L3MBTL3: variants seen among roughly 807,000 people sequenced by gnomAD.
The protein encoded by L3MBTL3 is L3MBTL histone methyl-lysine binding protein 3, also known as lethal(3)malignant brain tumor-like protein 3.
L3MBTL3 carries 27 observed loss-of-function variants against 102.3 expected under a neutral mutation model. The observed-to-expected ratio is 0.26, with a 90% confidence interval of 0.19 to 0.36. The LOEUF is 0.36. Among genes scored for constraint, L3MBTL3 ranks in the 10% least tolerant of loss-of-function variants. The probability of loss-of-function intolerance (pLI) is 1.00; values close to 1 mark genes in which losing one functional copy is unlikely to be tolerated. For synonymous variants in L3MBTL3, 340 were observed against 320.9 expected (o/e 1.06, Z -0.64); for missense variants, 798 against 955.3 (o/e 0.84, Z 2.17).
At chr6:130,063,237 G>T (rs1470406838) in intron 10 of L3MBTL3, among the ~76,000 whole-genome samples, 1 of 152,142 alleles carries the variant, frequency 6.6e-6, no homozygotes, top group African/African-American at 2.4e-5. Context: ...AGGCTTGTCT[G>T]TTTGGAGGCA....
chr6:130,048,927 TAA>T (rs955757122), intron 3 of L3MBTL3, among the ~76,000 whole-genome samples: 1 of 114,768 alleles, frequency 8.7e-6, no homozygotes, highest in East Asian at 2.8e-4. Flanking sequence ...TAAGAAAAAA[TAA>T]GTCTTAGTTA....
In L3MBTL3 at chr6:130,104,463, A is replaced by G. The variant is rs1033776810; in HGVS notation, c.1774A>G (p.Lys592Glu). The change falls in exon 19 of 23, where the codon AAA becomes GAA. Residue 592 changes from lysine (K) to glutamate (E), a missense_variant. By Grantham distance (56) the Lys-to-Glu change is moderately conservative. Coordinates refer to ENST00000361794, the MANE Select transcript of L3MBTL3 (RefSeq NM_032438.4). ...TCCCTATTCAGAAATCAATTTGAAT[A>G]AAGACCGTATTTTTCCAGACCGCTT... ...NCPYSEINLN[K>E]DRIFPDRLSG... The G allele has an allele frequency of 2.5e-6, 4 of 1,595,596 alleles. No homozygotes were observed. Among genetic ancestry groups the G allele is most frequent in the African/African-American group, 2.7e-5 (2 of 74,080 alleles).
intron 13 of L3MBTL3, among the ~76,000 whole-genome samples, chr6:130,073,380 T>C (rs994161867): frequency 3.3e-5 from 5 of 152,222 alleles, no homozygotes; most frequent in African/African-American, 9.6e-5. Context: ...CTTGGTGGGC[T>C]ATGATGATGG....
At chr6:130,048,071 G>A (rs1350292395) in intron 3 of L3MBTL3, among the ~76,000 whole-genome samples, 1 of 152,152 alleles carries the variant, frequency 6.6e-6, no homozygotes, top group Non-Finnish European at 1.5e-5. Flanking sequence ...ATTGTTTAAG[G>A]TGCTGTTTTC....
chr6:130,054,875 C>T (rs1482203739), intron 7 of L3MBTL3, among the ~76,000 whole-genome samples: 2 of 152,124 alleles, frequency 1.3e-5, no homozygotes, highest in South Asian at 2.1e-4. Context: ...GCCAGTAAGG[C>T]GTGAGGAAAA....
intron 14 of L3MBTL3, among the ~76,000 whole-genome samples, chr6:130,079,500 C>A (rs897848011): frequency 3.3e-5 from 5 of 152,058 alleles, no homozygotes; most frequent in Non-Finnish European, 7.4e-5. Flanking sequence ...TGTATTTGTG[C>A]GTACATCACT....
chr6:130,027,224 A>G (rs1208220647), intron 2 of L3MBTL3, among the ~76,000 whole-genome samples: 1 of 152,182 alleles, frequency 6.6e-6, no homozygotes, highest in East Asian at 1.9e-4. Flanking sequence ...ATTGATTACA[A>G]GGTAATGGGC....
chr6:130,126,690 G>A (rs573214430), intron 20 of L3MBTL3, among the ~76,000 whole-genome samples: 25 of 152,254 alleles, frequency 1.6e-4, no homozygotes, highest in African/African-American at 5.1e-4. Context: ...TTGATTTGCA[G>A]ATTTCTACTT....
In L3MBTL3 at chr6:130,095,243, A is replaced by C. The variant is rs988117265; in HGVS notation, c.1736+876A>C. Among the ~76,000 whole-genome samples the C allele has an allele frequency of 4.6e-5, 7 of 152,318 alleles. No homozygotes were observed. In the East Asian group the frequency reaches 1.3e-3, roughly 29 times the overall value. ...TACAGGTTGTGAATCTAGGTCTTTA[A>C]AAATTTTGAAGATTACTGTACCTGT... is the stretch of plus-strand genomic sequence containing the variant. On this transcript the variant is annotated intron_variant, in intron 18 of 22. Coordinates refer to ENST00000361794, the MANE Select transcript of L3MBTL3 (RefSeq NM_032438.4).
intron 17 of L3MBTL3, among the ~76,000 whole-genome samples, chr6:130,093,262 A>G (rs914381976): frequency 2.6e-5 from 4 of 152,180 alleles, no homozygotes; most frequent in Admixed American, 2.0e-4. Flanking sequence ...CTTATGTATT[A>G]TTATTTACAA....
chr6:130,133,481 G>T lies in L3MBTL3; in HGVS notation c.1996G>T (p.Ala666Ser). ...GAREEPTVQQ[A>S]QRRSAVFLSF... The stretch of plus-strand genomic sequence containing the variant: ...CCGGGAAGAACCCACCGTCCAGCAG[G>T]CACAGCGTCGGTCAGCTGTCTTTCT... The change falls in exon 21 of 23, where the codon GCA becomes TCA. Residue 666 changes from alanine to serine, a missense_variant. Around this residue, in one of 4 missense-constraint regions of L3MBTL3, gnomAD observed 306 missense variants for 314.4 expected, o/e 0.97. Coordinates refer to ENST00000361794, the MANE Select transcript of L3MBTL3 (RefSeq NM_032438.4). The surrounding 1 kb of genome is among the most constrained non-coding windows in gnomAD (Gnocchi z 4.9). 1 of 1,614,090 alleles carries T rather than the reference G, an allele frequency of 6.2e-7. No homozygotes were observed. The highest frequency in any genetic ancestry group is 8.5e-7 in the Non-Finnish European group (1 of 1,179,986).
intron 10 of L3MBTL3, among the ~76,000 whole-genome samples, chr6:130,065,087 G>GT (rs1333610652): frequency 6.6e-6 from 1 of 152,064 alleles, no homozygotes; most frequent in African/African-American, 2.4e-5. Flanking sequence ...TGTTCTCTCT[G>GT]GGGGGAGTCA....
chr6:130,129,905 G>A (rs1786890454), intron 20 of L3MBTL3, among the ~76,000 whole-genome samples: 1 of 152,176 alleles, frequency 6.6e-6, no homozygotes, highest in East Asian at 1.9e-4. Context: ...AAAACCTGGA[G>A]TCACTTTTCT....
Position 130,120,859 on chromosome 6 carries a change from G to T in L3MBTL3, c.1887-20G>T. On this transcript the variant is annotated intron_variant, in intron 19 of 22. Coordinates refer to ENST00000361794, the MANE Select transcript of L3MBTL3 (RefSeq NM_032438.4). Reference sequence around the variant, plus strand: ...TAAAATGTTTCTCTTATAAAATATTGAAATGCCTGTTTTTCTTAGAGACCA... The same window carrying T: ...TAAAATGTTTCTCTTATAAAATATTTAAATGCCTGTTTTTCTTAGAGACCA... 1.3e-6 allele frequency: 2 copies of T among 1,581,314 alleles called. No individual in the cohort carries two copies. The highest frequency in any genetic ancestry group is 1.7e-6 in the Non-Finnish European group (2 of 1,152,972).
At chr6:130,073,273 T>C (rs927340438) in intron 13 of L3MBTL3, among the ~76,000 whole-genome samples, 1 of 152,110 alleles carries the variant, frequency 6.6e-6, no homozygotes, top group African/African-American at 2.4e-5. Flanking sequence ...GTAAAGATTT[T>C]CTATACATAT....
chr6:130,019,511 C>T (rs1015225900), intron 1 of L3MBTL3: 1 of 151,714 alleles, frequency 6.6e-6, no homozygotes, highest in Non-Finnish European at 1.5e-5. Context: ...CACTTTCTCC[C>T]CTTTCGGGCT....
At chr6:130,098,938 A>G (rs2115299564) in intron 18 of L3MBTL3, among the ~76,000 whole-genome samples, 1 of 148,850 alleles carries the variant, frequency 6.7e-6, no homozygotes, top group African/African-American at 2.5e-5. Context: ...AACTTAGAAA[A>G]CTGGAGATGT....
intron 2 of L3MBTL3, among the ~76,000 whole-genome samples, chr6:130,028,377 C>T (rs148095013): frequency 4.3e-4 from 66 of 152,188 alleles, no homozygotes; most frequent in Middle Eastern, 3.4e-3. Flanking sequence ...AAGATGGAAC[C>T]GCTGTAATGA....
At chr6:130,071,419 T>C (rs1316679441) in intron 13 of L3MBTL3, among the ~76,000 whole-genome samples, 2 of 152,160 alleles carry the variant, frequency 1.3e-5, no homozygotes, top group Admixed American at 6.5e-5. Flanking sequence ...CCCTTCTTAT[T>C]TTCATGCCCA....
Sources: allele counts gnomAD v4.1 joint callset (sites outside exome capture counted in the v4.1 genomes callset), GRCh38; gene constraint gnomAD v4.1.1; regional missense constraint gnomAD v4.1.1; non-coding constraint Gnocchi (gnomAD v3.1); transcripts MANE v1.5; gene names NCBI Gene and HGNC (gene_info 2026-07-23, HGNC 2026-07-21).